Variants in RIMS1 observed in about 807,000 individuals in gnomAD.
RIMS1 encodes the protein regulating synaptic membrane exocytosis protein 1.
A neutral mutation model predicts 214.1 loss-of-function variants in RIMS1; 83 were observed. The observed-to-expected ratio is 0.39, with a 90% CI of 0.32 to 0.47. RIMS1 has a LOEUF of 0.47. Among genes scored for constraint, RIMS1 ranks in the 20% least tolerant of loss-of-function variants. The pLI is 0.99. For synonymous variants in RIMS1, 793 were observed against 786.8 expected, an observed-to-expected ratio of 1.01 and a Z score of -0.13; for missense variants, 2,050 against 2,161.8, an observed-to-expected ratio of 0.95 and a Z score of 1.03.
intron 18 of RIMS1, among the ~76,000 whole-genome samples, chr6:72,259,599 T>C (rs1300123649): frequency 7.3e-6 from 1 of 137,868 alleles, no homozygotes; most frequent in Non-Finnish European, 1.5e-5. Flanking sequence ...AAAATCTCTT[T>C]CTAGAAAATG....
chr6:72,242,171 G>A, intron 9 of RIMS1, 143 bp from the exon 10 acceptor site: 1 of 625,560 alleles, frequency 1.6e-6, no homozygotes, highest in Non-Finnish European at 2.7e-6. Flanking sequence ...ACATTATATG[G>A]CAATCAATTT....
chr6:72,077,465 G>A (rs568537633), intron 2 of RIMS1, among the ~76,000 whole-genome samples: 11 of 152,312 alleles, frequency 7.2e-5, no homozygotes, highest in African/African-American at 2.6e-4. Flanking sequence ...ACTCTTAAGA[G>A]ACAGAAAGAA....
At chr6:72,368,809 A>G (rs996805172) in intron 29 of RIMS1, among the ~76,000 whole-genome samples, 1 of 152,122 alleles carries the variant, frequency 6.6e-6, no homozygotes, top group Non-Finnish European at 1.5e-5. Context: ...ATTTATTTAC[A>G]GGGAAAATAA....
intron 1 of RIMS1, among the ~76,000 whole-genome samples, chr6:71,903,214 G>A (rs570258272): frequency 2.0e-5 from 3 of 151,992 alleles, no homozygotes; most frequent in Admixed American, 6.6e-5. Flanking sequence ...TTCAATAATC[G>A]CCATTCTGAC....
intron 2 of RIMS1, among the ~76,000 whole-genome samples, chr6:72,016,080 T>G (rs1812664036): frequency 6.6e-6 from 1 of 152,244 alleles, no homozygotes; most frequent in South Asian, 2.1e-4. Context: ...GGTTTTTATC[T>G]TTTATTCTAT....
intron 2 of RIMS1, among the ~76,000 whole-genome samples, chr6:72,010,126 T>TC (rs1809804057): frequency 6.6e-6 from 1 of 152,140 alleles, no homozygotes; most frequent in Non-Finnish European, 1.5e-5. Flanking sequence ...AAAAAGCTTA[T>TC]CCACCATGAT....
intron 11 of RIMS1, among the ~76,000 whole-genome samples, chr6:72,247,298 G>A (rs1176648224): frequency 6.6e-6 from 1 of 152,056 alleles, no homozygotes; most frequent in African/African-American, 2.4e-5. Flanking sequence ...AGATAGATGG[G>A]GAGGCCGAGG....
intron 29 of RIMS1, among the ~76,000 whole-genome samples, chr6:72,380,544 G>A (rs1419915347): frequency 6.6e-6 from 1 of 152,058 alleles, no homozygotes; most frequent in Admixed American, 6.6e-5. Context: ...CTTCATCTGA[G>A]GTATTAACTT....
At chr6:72,267,967 A>C (rs1234783154) in intron 22 of RIMS1, among the ~76,000 whole-genome samples, 3 of 152,172 alleles carry the variant, frequency 2.0e-5, no homozygotes, top group Non-Finnish European at 4.4e-5. Flanking sequence ...CAATGAAACA[A>C]GTCTTGGTAT....
At chr6:72,307,418 A>G in intron 27 of RIMS1, 48 bp downstream of exon 27, 2 of 1,215,528 alleles carry the variant, frequency 1.6e-6, no homozygotes, top group Non-Finnish European at 2.4e-6. Context: ...AAAAATGTGT[A>G]GTGTGTGTAC....
intron 2 of RIMS1, among the ~76,000 whole-genome samples, chr6:71,988,646 G>A (rs1009672190): frequency 9.2e-5 from 14 of 152,052 alleles, no homozygotes; most frequent in African/African-American, 3.1e-4. Context: ...GTTATTCTTA[G>A]GAGCTCCTGA....
At chr6:71,940,276 A>G (rs1785655085) in intron 1 of RIMS1, among the ~76,000 whole-genome samples, 1 of 152,198 alleles carries the variant, frequency 6.6e-6, no homozygotes, top group Admixed American at 6.5e-5. Context: ...ATAAAATATT[A>G]CTGTACTATC....
intron 19 of RIMS1, chr6:72,262,770 T>C: frequency 1.3e-6 from 1 of 743,440 alleles, no homozygotes; most frequent in Non-Finnish European, 1.6e-6. Flanking sequence ...ATTATTTCTA[T>C]AACTATCCAT....
At chr6:72,246,103 A>G (rs1249106667) in intron 11 of RIMS1, among the ~76,000 whole-genome samples, 1 of 152,150 alleles carries the variant, frequency 6.6e-6, no homozygotes, top group African/African-American at 2.4e-5. Flanking sequence ...AATACTCTTC[A>G]GCATCATAAC....
intron 26 of RIMS1, among the ~76,000 whole-genome samples, chr6:72,294,075 TG>T (rs1452383356): frequency 6.6e-6 from 1 of 151,662 alleles, no homozygotes; most frequent in Non-Finnish European, 1.5e-5. Context: ...ACCTGGTTGG[TG>T]TTTTTTATGA....
At chr6:71,973,046 A>T (rs1796259573) in intron 2 of RIMS1, among the ~76,000 whole-genome samples, 1 of 152,112 alleles carries the variant, frequency 6.6e-6, no homozygotes, top group South Asian at 2.1e-4. Context: ...AGTAGCTGGG[A>T]TTACAGGCAT....
chr6:72,322,906 G>A (rs1246991749), intron 28 of RIMS1, among the ~76,000 whole-genome samples: 1 of 152,044 alleles, frequency 6.6e-6, no homozygotes, highest in Non-Finnish European at 1.5e-5. Flanking sequence ...ACGTTGACCA[G>A]TGACCTGTCT....
intron 23 of RIMS1, among the ~76,000 whole-genome samples, chr6:72,280,783 G>A (rs1477916478): frequency 6.6e-6 from 1 of 152,060 alleles, no homozygotes; most frequent in East Asian, 1.9e-4. Context: ...TTTTATAGAT[G>A]AGTAAGAAAA....
At chr6:72,393,675 C>T (rs2098737335) in intron 31 of RIMS1, among the ~76,000 whole-genome samples, 2 of 152,054 alleles carry the variant, frequency 1.3e-5, no homozygotes, top group East Asian at 3.9e-4. Flanking sequence ...TGCAGTGAGC[C>T]CAGATCAGGG....
Sources: allele counts gnomAD v4.1 joint callset (sites outside exome capture counted in the v4.1 genomes callset), GRCh38; gene constraint gnomAD v4.1.1; transcripts MANE v1.5; gene names NCBI Gene and HGNC (gene_info 2026-07-23, HGNC 2026-07-21).